Variants in PEX19 observed in about 807,000 individuals in gnomAD.
PEX19 encodes the protein peroxisomal biogenesis factor 19.
A neutral mutation model predicts 36.3 loss-of-function variants in PEX19; 29 were observed. The observed-to-expected ratio is 0.80, with a 90% CI of 0.60 to 1.09. The LOEUF is 1.09. Ranked by LOEUF, PEX19 falls within the 50% of genes least tolerant of loss-of-function variation. The pLI, the probability that PEX19 is intolerant of heterozygous loss-of-function variation, is 0.00. For synonymous variants in PEX19, 141 were observed against 135.2 expected (o/e 1.04, Z -0.30); for missense variants, 396 against 368.1 (o/e 1.08, Z -0.62).
chr1:160,283,584 G>A lies in PEX19; in HGVS notation c.126C>T (p.Thr42=), dbSNP rs1221620478. The change falls in exon 2 of 8, where the codon ACC becomes ACT. Residue 42 remains threonine, a synonymous_variant. Transcript: ENST00000368072. ...AKPSPAPPST[T]TAPDASGPQK... ...GGGGCCCCGAAGCATCAGGGGCCGT[G>A]GTGGTAGAAGGGGGTGCTGGGGAGG... 1.2e-6 allele frequency: 2 copies of A among 1,614,008 alleles called. No homozygotes were observed. Among genetic ancestry groups the A allele is most frequent in the African/African-American group, 2.7e-5 (2 of 74,924 alleles).
rs1374739160 is a variant in PEX19 at position 160,279,102 on chromosome 1, A to G, written c.*449T>C. 5 of 454,128 alleles carry G rather than the reference A, an allele frequency of 1.1e-5. No homozygotes were observed. The highest frequency in any genetic ancestry group is 6.9e-4 in the Middle Eastern group (1 of 1,454). The allele number at this position is 454,128 out of a possible 1,614,324, so 28.1% of individuals were successfully genotyped here. ...GCCCAGGCTGTTTCTCCCCATTCTC[A>G]AAGGCTCTGCCAGGAGAACTATAGA... On this transcript the variant is annotated 3_prime_UTR_variant, in exon 8 of 8. Coordinates refer to ENST00000368072, the MANE Select transcript of PEX19 (RefSeq NM_002857.4).
chr1:160,279,390 G>A lies in PEX19; in HGVS notation c.*161C>T, dbSNP rs770334290. 8.3e-6 allele frequency: 6 copies of A among 721,026 alleles called. No homozygotes were observed. Among genetic ancestry groups the A allele is most frequent in the East Asian group, 2.6e-5 (1 of 38,078 alleles). The allele number at this position is 721,026 out of a possible 1,614,324, so 44.7% of individuals were successfully genotyped here. A position where few individuals can be genotyped will look rare whatever the true frequency, so the allele number is the denominator to read the frequency against. ...AACAGACCCTATTCCTAGAGAGACA[G>A]AGGAAAAACCTCAGCTGGTATGGCA... is the stretch of plus-strand genomic sequence containing the variant. On this transcript the variant is annotated 3_prime_UTR_variant, in exon 8 of 8. Transcript: ENST00000368072.
Position 160,278,114 on chromosome 1 carries a change from C to G in PEX19, c.*1437G>C. 1.4e-6 allele frequency: 1 copy of G among 702,518 alleles called. No individual in the cohort carries two copies. Among genetic ancestry groups the G allele is most frequent in the Non-Finnish European group, 2.6e-6 (1 of 384,992 alleles). 43.5% of individuals were successfully genotyped at this position (702,518 alleles called of 1,614,324 possible). A position where few individuals can be genotyped will look rare whatever the true frequency, so the allele number is the denominator to read the frequency against. ...GAGTGAACCAGGACAGCCAGCTGAG[C>G]TGACCAGAGTACCTACCAACATATG... On this transcript the variant is annotated 3_prime_UTR_variant, in exon 8 of 8. Coordinates refer to ENST00000368072, the MANE Select transcript of PEX19 (RefSeq NM_002857.4).
chr1:160,280,112 A>G lies in PEX19; in HGVS notation c.729T>C (p.Thr243=). 6.2e-7 allele frequency: 1 copy of G among 1,613,962 alleles called. No individual in the cohort carries two copies. Among genetic ancestry groups the G allele is most frequent in the Non-Finnish European group, 8.5e-7 (1 of 1,179,866 alleles). ...EAETPTDSET[T]QKARFEMVLD... is the part of the protein sequence containing the mutation. ...GCACCATCTCAAAACGAGCCTTTTGAGTGGTTTCACTGTCTGTGGGGGTCT... is the reference window on the plus strand; with the variant it reads ...GCACCATCTCAAAACGAGCCTTTTGGGTGGTTTCACTGTCTGTGGGGGTCT... Residue 243 remains threonine, a synonymous_variant, in exon 6 of 8, where the codon ACT becomes ACC. Coordinates refer to ENST00000368072, the MANE Select transcript of PEX19 (RefSeq NM_002857.4).
chr1:160,279,453 T>A lies in PEX19; in HGVS notation c.*98A>T, dbSNP rs1657672350. Reference sequence around the variant, plus strand: ...GGATGACAGAGGGCAGCGGGCAGACTTCTCCCGCAGGTGACACTCCTGCCT... The same window carrying A: ...GGATGACAGAGGGCAGCGGGCAGACATCTCCCGCAGGTGACACTCCTGCCT... On this transcript the variant is annotated 3_prime_UTR_variant, in exon 8 of 8. Transcript: ENST00000368072. The A allele has an allele frequency of 2.0e-6, 2 of 979,552 alleles. No homozygotes were observed. The highest frequency in any genetic ancestry group is 3.3e-6 in the Non-Finnish European group (2 of 604,572). 60.7% of individuals were successfully genotyped at this position (979,552 alleles called of 1,614,324 possible).
chr1:160,279,405 C>T lies in PEX19; in HGVS notation c.*146G>A, dbSNP rs748709688. On this transcript the variant is annotated 3_prime_UTR_variant, in exon 8 of 8. Coordinates refer to ENST00000368072, the MANE Select transcript of PEX19 (RefSeq NM_002857.4). Reference sequence around the variant, plus strand: ...TAGAGAGACAGAGGAAAAACCTCAGCTGGTATGGCACAATCTTGAATGGGA... The same window carrying T: ...TAGAGAGACAGAGGAAAAACCTCAGTTGGTATGGCACAATCTTGAATGGGA... The T allele has an allele frequency of 6.6e-6, 5 of 752,024 alleles. No individual in the cohort carries two copies. The highest frequency in any genetic ancestry group is 5.7e-5 in the South Asian group (4 of 70,744). The allele number at this position is 752,024 out of a possible 1,614,324, so 46.6% of individuals were successfully genotyped here.
chr1:160,284,454 C>T (rs180932631), intron 1 of PEX19, among the ~76,000 whole-genome samples: 32 of 152,290 alleles, frequency 2.1e-4, no homozygotes, highest in Admixed American at 2.0e-3. Flanking sequence ...AAGAAAACAT[C>T]CCCCGTCTTT....
At chr1:160,281,940 C>A (rs1001539791) in intron 5 of PEX19, 99 bp downstream of exon 5, 16 of 1,020,164 alleles carry the variant, frequency 1.6e-5, no homozygotes, top group Non-Finnish European at 2.3e-5. Context: ...AAAGCACACT[C>A]GAGTTACTCT....
At chr1:160,283,407 C>T (rs1174743750) in intron 2 of PEX19, 123 bp downstream of exon 2, 10 of 711,306 alleles carry the variant, frequency 1.4e-5, no homozygotes, top group Admixed American at 2.8e-5. Context: ...GGCAAGAGCA[C>T]TCACCAATGT....
Position 160,282,208 on chromosome 1 carries a change from G to A in PEX19, c.433-8C>T. On this transcript the variant is annotated splice_region_variant and splice_polypyrimidine_tract_variant and intron_variant, in intron 4 of 7. Transcript: ENST00000368072. ...TTCCGACATGCTGGAGTTCTAGATAGGACAAGTAAGAGGTGAGCAGGTATA... is the reference window on the plus strand; with the variant it reads ...TTCCGACATGCTGGAGTTCTAGATAAGACAAGTAAGAGGTGAGCAGGTATA... 6.2e-7 allele frequency: 1 copy of A among 1,613,934 alleles called. No individual in the cohort carries two copies. Among genetic ancestry groups the A allele is most frequent in the South Asian group, 1.1e-5 (1 of 91,072 alleles).
At position 160,283,592 on chromosome 1, in the gene PEX19, A is replaced by C. The variant is rs201995040; in HGVS notation, c.118T>G (p.Ser40Ala). The C allele has an allele frequency of 7.4e-6, 12 of 1,614,014 alleles. No homozygotes were observed. The Middle Eastern group carries it at 4.9e-4, about 66-fold the overall frequency. The change falls in exon 2 of 8, where the codon TCT becomes GCT. Residue 40 changes from serine to alanine, a missense_variant. By Grantham distance (99) the Ser-to-Ala change is moderately conservative. Transcript: ENST00000368072. The stretch of plus-strand genomic sequence containing the variant: ...GAAGCATCAGGGGCCGTGGTGGTAG[A>C]AGGGGGTGCTGGGGAGGGTTTGGCT... ...DKAKPSPAPP[S>A]TTTAPDASGP... is the part of the protein sequence containing the mutation.
Position 160,279,515 on chromosome 1 carries a change from C to G in PEX19, c.*36G>C. On this transcript the variant is annotated 3_prime_UTR_variant, in exon 8 of 8. Transcript: ENST00000368072. Reference sequence around the variant, plus strand: ...GGTTCTGCTGACTCCAGATGTTCCCCATAGCTGGGACTCAGAGAGGAAAAC... The same window carrying G: ...GGTTCTGCTGACTCCAGATGTTCCCGATAGCTGGGACTCAGAGAGGAAAAC... The G allele has an allele frequency of 2.6e-6, 4 of 1,549,434 alleles. No homozygotes were observed. The highest frequency in any genetic ancestry group is 2.7e-6 in the Non-Finnish European group (3 of 1,121,190).
Position 160,277,563 on chromosome 1 carries a change from C to G in PEX19, c.*1988G>C, listed in dbSNP as rs1393533812. On this transcript the variant is annotated 3_prime_UTR_variant, in exon 8 of 8. Coordinates refer to ENST00000368072, the MANE Select transcript of PEX19 (RefSeq NM_002857.4). ...AAGTGTGACCTGAGGTCAACCTGCT[C>G]ACATTCAATCAAAATCAAAATAAAA... 1 of 454,308 alleles carries G rather than the reference C, an allele frequency of 2.2e-6. No individual in the cohort carries two copies. Among genetic ancestry groups the G allele is most frequent in the Non-Finnish European group, 4.4e-6 (1 of 226,802 alleles). The allele number at this position is 454,308 out of a possible 1,614,324, so 28.1% of individuals were successfully genotyped here. A position where few individuals can be genotyped will look rare whatever the true frequency, so the allele number is the denominator to read the frequency against.
In PEX19 at chr1:160,282,945, C is replaced by T. The variant is rs1460301172; in HGVS notation, c.345G>A (p.Val115=). The T allele has an allele frequency of 1.2e-6, 2 of 1,613,992 alleles. No individual in the cohort carries two copies. Among genetic ancestry groups the T allele is most frequent in the African/African-American group, 1.3e-5 (1 of 74,900 alleles). Reference sequence around the variant, plus strand: ...TCCATGTATCTGGGGTCTCCTCACCCACTCTCCCTGCAGCCTCTGAGAGCT... The same window carrying T: ...TCCATGTATCTGGGGTCTCCTCACCTACTCTCCCTGCAGCCTCTGAGAGCT... ...FQKLSEAAGR[V]GSDMTSQQEF... is the part of the protein sequence containing the mutation. Residue 115 remains valine, a splice_region_variant and synonymous_variant, in exon 3 of 8, where the codon GTG becomes GTA. Transcript: ENST00000368072.
chr1:160,279,061 C>T lies in PEX19; in HGVS notation c.*490G>A, dbSNP rs1168264841. On this transcript the variant is annotated 3_prime_UTR_variant, in exon 8 of 8. Transcript: ENST00000368072. ...GTCTGAAGGCAAGAGAGCATAGTGA[C>T]AGACCTGTAGCCCCAGCCCAGGCTG... 2 of 454,502 alleles carry T rather than the reference C, an allele frequency of 4.4e-6. No individual in the cohort carries two copies. Among genetic ancestry groups the T allele is most frequent in the Non-Finnish European group, 8.8e-6 (2 of 227,022 alleles). 28.2% of individuals were successfully genotyped at this position (454,502 alleles called of 1,614,324 possible). A position where few individuals can be genotyped will look rare whatever the true frequency, so the allele number is the denominator to read the frequency against.
Position 160,280,264 on chromosome 1 carries a change from G to A in PEX19, c.595-18C>T. ...TCTGGATACTAAGAAAAGAGAGAAT[G>A]GGTGGAAAAGAATTAAGTGAACAAT... is the stretch of plus-strand genomic sequence containing the variant. On this transcript the variant is annotated intron_variant, in intron 5 of 7. Coordinates refer to ENST00000368072, the MANE Select transcript of PEX19 (RefSeq NM_002857.4). 1.9e-6 allele frequency: 3 copies of A among 1,607,320 alleles called. No individual in the cohort carries two copies. The highest frequency in any genetic ancestry group is 2.7e-5 in the African/African-American group (2 of 74,914).
chr1:160,281,521 G>A (rs554300173), intron 5 of PEX19, among the ~76,000 whole-genome samples: 18 of 152,334 alleles, frequency 1.2e-4, no homozygotes, highest in African/African-American at 4.3e-4. Context: ...TGATTCTCCT[G>A]CTGCCTCCTG....
intron 2 of PEX19, 27 bp downstream of exon 2, chr1:160,283,503 C>T: frequency 6.6e-7 from 1 of 1,515,514 alleles, no homozygotes; most frequent in Non-Finnish European, 9.2e-7. Flanking sequence ...ATCCCCTCCC[C>T]ATCCCTTAAG....
In PEX19 at chr1:160,280,514, G is replaced by GT. The variant is rs374466910; in HGVS notation, c.595-269dup. The stretch of plus-strand genomic sequence containing the variant: ...AAGGGCCACATATGGTCTCTATTGT[G>GT]TTTTTTTTTTCTTTTTTTTCGAGAC... On this transcript the variant is annotated intron_variant, in intron 5 of 7. Coordinates refer to ENST00000368072, the MANE Select transcript of PEX19 (RefSeq NM_002857.4). Among the ~76,000 whole-genome samples the GT allele has an allele frequency of 1.5e-3, 226 of 148,378 alleles. 1 individual carries two copies. Among genetic ancestry groups the GT allele is most frequent in the African/African-American group, 4.0e-3 (163 of 40,424 alleles).
Sources: gnomAD v4.1 joint callset for allele counts (sites outside exome capture counted in the v4.1 genomes callset) on GRCh38, gnomAD v4.1.1 for gene constraint, MANE v1.5 for transcripts, NCBI Gene and HGNC (gene_info 2026-07-23, HGNC 2026-07-21) for gene names.